Variants in RTF1 observed in about 807,000 individuals in gnomAD.
The protein encoded by RTF1 is RNA polymerase-associated protein RTF1 homolog.
A neutral mutation model predicts 95.7 loss-of-function variants in RTF1; 10 were observed. The observed-to-expected ratio is 0.10, with a 90% confidence interval of 0.06 to 0.18. The LOEUF is 0.18. Ranked by LOEUF, RTF1 falls within the 10% of genes least tolerant of loss-of-function variation. The pLI is 1.00. For synonymous variants in RTF1, 305 were observed against 311.8 expected (o/e 0.98, Z 0.23); for missense variants, 458 against 875.6 (o/e 0.52, Z 6.02).
rs1410593149 is a variant in RTF1, at chr15:41,430,006, C to CTTTTTTTTTTTTTT, written c.199-8311_199-8310insTTTTTTTTTTTTTT. Among the ~76,000 whole-genome samples the CTTTTTTTTTTTTTT allele has an allele frequency of 5.7e-4, 81 of 143,020 alleles. 1 individual carries two copies. Among genetic ancestry groups the CTTTTTTTTTTTTTT allele is most frequent in the East Asian group, 2.6e-3 (12 of 4,692 alleles). The allele number at this position is 143,020 out of a possible 152,430, so 93.8% of individuals were successfully genotyped here. On this transcript the variant is annotated intron_variant, in intron 1 of 17. Coordinates refer to ENST00000389629, the MANE Select transcript of RTF1 (RefSeq NM_015138.5). Reference sequence around the variant, plus strand: ...TTTAATTTAATTTATTTTATTTTTTCTTTTCTTTTTTTTTTTTTTGAGACA... The same window carrying CTTTTTTTTTTTTTT: ...TTTAATTTAATTTATTTTATTTTTTCTTTTTTTTTTTTTTTTTTCTTTTTTTTTTTTTTGAGACA...
intron 1 of RTF1, among the ~76,000 whole-genome samples, chr15:41,433,170 C>A (rs375864782): frequency 4.0e-5 from 6 of 151,870 alleles, no homozygotes; most frequent in African/African-American, 1.2e-4. Flanking sequence ...ATCACTTGAA[C>A]CAGGGAGGCG....
chr15:41,442,268 C>T (rs192688316), intron 2 of RTF1, among the ~76,000 whole-genome samples: 5 of 151,294 alleles, frequency 3.3e-5, no homozygotes, highest in Admixed American at 2.6e-4. Context: ...CCCGGGTTCA[C>T]GCCATTCTTC....
intron 8 of RTF1, among the ~76,000 whole-genome samples, chr15:41,473,377 C>G (rs1195384576): frequency 6.6e-6 from 1 of 151,704 alleles, no homozygotes; most frequent in Admixed American, 6.6e-5. Flanking sequence ...CGTGATCTGC[C>G]TTCCTTGGCC....
chr15:41,460,134 T>G (rs1020124216), intron 4 of RTF1, among the ~76,000 whole-genome samples: 5 of 151,652 alleles, frequency 3.3e-5, no homozygotes, highest in Admixed American at 6.6e-5. Context: ...TTTTTTTTTT[T>G]TTTTTGAGAC....
At chr15:41,450,431 C>G (rs550231071) in intron 2 of RTF1, among the ~76,000 whole-genome samples, 2 of 151,444 alleles carry the variant, frequency 1.3e-5, no homozygotes, top group South Asian at 4.2e-4. Context: ...GCTAAAAATA[C>G]AAAATTAGCC....
intron 3 of RTF1, among the ~76,000 whole-genome samples, chr15:41,456,996 A>G (rs1251542565): frequency 6.6e-6 from 1 of 152,062 alleles, no homozygotes. Context: ...AGGCAGGAGA[A>G]TCGCTTGTGA....
In RTF1 at chr15:41,417,150, C is replaced by T. The variant is rs1259662732; in HGVS notation, c.35C>T (p.Ala12Val). The change falls in exon 1 of 18, where the codon GCG (alanine) becomes GTG (valine). Residue 12 changes from alanine (A) to valine (V), a missense_variant. Physicochemically the swap from Ala to Val is moderately conservative, Grantham distance 64 (BLOSUM62 0). Transcript: ENST00000389629. ...RGRLCVGRAA[A>V]AAAAVAVPLA... is the part of the protein sequence containing the mutation. ...CGCCTTTGTGTGGGTCGAGCAGCGG[C>T]GGCGGCGGCGGCAGTGGCGGTCCCA... is the stretch of plus-strand genomic sequence containing the variant. 2.4e-6 allele frequency: 3 copies of T among 1,259,168 alleles called. No individual in the cohort carries two copies. The highest frequency in any genetic ancestry group is 3.0e-6 in the Non-Finnish European group (3 of 997,954). The allele number at this position is 1,259,168 out of a possible 1,614,324, so 78.0% of individuals were successfully genotyped here. A position where few individuals can be genotyped will look rare whatever the true frequency, so the allele number is the denominator to read the frequency against.
At chr15:41,460,127 T>TG (rs201204249) in intron 4 of RTF1, among the ~76,000 whole-genome samples, 39,982 of 100,702 alleles carry the variant, frequency 0.4, 8,380 homozygotes, top group East Asian at 0.69. Flanking sequence ...TTTTGTTTTT[T>TG]TTTTTTTTTT....
chr15:41,420,167 A>G (rs1566833837), intron 1 of RTF1, among the ~76,000 whole-genome samples: 1 of 152,176 alleles, frequency 6.6e-6, no homozygotes, highest in Non-Finnish European at 1.5e-5. Flanking sequence ...TTGTAAAAGG[A>G]AATTAACATA....
intron 3 of RTF1, among the ~76,000 whole-genome samples, chr15:41,455,268 C>T (rs1388952231): frequency 6.6e-6 from 1 of 150,596 alleles, no homozygotes; most frequent in Non-Finnish European, 1.5e-5. Context: ...GAGCCGAGAT[C>T]ACCCCACTGT....
At chr15:41,450,282 G>A (rs1336544330) in intron 2 of RTF1, among the ~76,000 whole-genome samples, 1 of 152,174 alleles carries the variant, frequency 6.6e-6, no homozygotes, top group African/African-American at 2.4e-5. Flanking sequence ...GATATAAGAA[G>A]TTTTAGGCCA....
At chr15:41,446,792 G>C (rs2050765601) in intron 2 of RTF1, among the ~76,000 whole-genome samples, 1 of 151,374 alleles carries the variant, frequency 6.6e-6, no homozygotes, top group South Asian at 2.1e-4. Flanking sequence ...TTTGTCACTA[G>C]CCCAGCTGTT....
chr15:41,428,155 G>A (rs887931621), intron 1 of RTF1, among the ~76,000 whole-genome samples: 6 of 151,232 alleles, frequency 4.0e-5, no homozygotes, highest in Non-Finnish European at 8.8e-5. Context: ...TACATGGTGG[G>A]ACATTTTCTA....
intron 2 of RTF1, among the ~76,000 whole-genome samples, chr15:41,444,603 T>C (rs1174750035): frequency 6.6e-6 from 1 of 152,050 alleles, no homozygotes; most frequent in African/African-American, 2.4e-5. Context: ...CCGTTAGATA[T>C]TATATGTAGT....
Position 41,477,453 on chromosome 15 carries a change from C to G in RTF1, c.1683-5C>G. On this transcript the variant is annotated splice_region_variant and splice_polypyrimidine_tract_variant and intron_variant, in intron 13 of 17. Transcript: ENST00000389629. ...AGCCACTGACTCATCCCTCTTACCC[C>G]ACAGTTACATCAACCAGCGGAACCG... The G allele has an allele frequency of 6.2e-7, 1 of 1,614,218 alleles. No homozygotes were observed. The highest frequency in any genetic ancestry group is 1.3e-5 in the African/African-American group (1 of 75,052).
intron 1 of RTF1, 132 bp downstream of exon 1, chr15:41,417,445 A>G (rs2050577021): frequency 6.8e-6 from 5 of 733,180 alleles, no homozygotes. Context: ...GCACCACTAC[A>G]GCCCCTTTCC....
intron 9 of RTF1, 93 bp from the exon 10 acceptor site, chr15:41,475,432 A>C: frequency 3.3e-6 from 3 of 921,902 alleles, no homozygotes; most frequent in South Asian, 2.7e-5. Context: ...TGCAATAGGT[A>C]TATATAGGTG....
chr15:41,437,291 C>A (rs940877307), intron 1 of RTF1, among the ~76,000 whole-genome samples: 2 of 151,276 alleles, frequency 1.3e-5, no homozygotes, highest in Non-Finnish European at 2.9e-5. Flanking sequence ...GTCAGGAGAT[C>A]GAGAGCATCC....
At chr15:41,438,706 C>A (rs1029376715) in intron 2 of RTF1, among the ~76,000 whole-genome samples, 2 of 151,716 alleles carry the variant, frequency 1.3e-5, no homozygotes, top group Admixed American at 6.6e-5. Context: ...ACTAAAAATA[C>A]AAAAATTAGC....
Sources: allele counts gnomAD v4.1 joint callset (sites outside exome capture counted in the v4.1 genomes callset), GRCh38; gene constraint gnomAD v4.1.1; transcripts MANE v1.5; gene names NCBI Gene and HGNC (gene_info 2026-07-23, HGNC 2026-07-21).